The following FGF13 variants were observed in gnomAD, a reference collection of about 807,000 sequenced individuals.
FGF13 encodes the protein fibroblast growth factor 13.
FGF13 carries 2 observed loss-of-function variants against 19.5 expected under a neutral mutation model. The observed-to-expected ratio is 0.10, with a 90% CI of 0.04 to 0.32. The LOEUF (loss-of-function observed/expected upper bound fraction) is 0.32, where lower values mean the gene tolerates loss of function less well. Among genes scored for constraint, FGF13 ranks in the 10% least tolerant of loss-of-function variants. The probability of loss-of-function intolerance (pLI) is 1.00; values close to 1 mark genes in which losing one functional copy is unlikely to be tolerated. For synonymous variants in FGF13, 72 were observed against 76.9 expected (o/e 0.94, Z 0.33); for missense variants, 113 against 192.7 (o/e 0.59, Z 2.45).
chrX:138,981,360 C>T (rs1202016551), intron 1 of FGF13, among the ~76,000 whole-genome samples: 1 of 105,280 alleles, frequency 9.5e-6, no homozygotes, highest in South Asian at 4.3e-4. Flanking sequence ...CACACACATG[C>T]GAACACAAGG....
At chrX:138,647,536 T>G (rs2089321254) in intron 3 of FGF13, among the ~76,000 whole-genome samples, 1 of 111,122 alleles carries the variant, frequency 9.0e-6, no homozygotes, top group African/African-American at 3.3e-5. Flanking sequence ...TTTACGGGAG[T>G]GTTTGGCCAC....
intron 1 of FGF13, among the ~76,000 whole-genome samples, chrX:138,877,928 T>C (rs2091400208): frequency 1.8e-5 from 2 of 111,778 alleles, no homozygotes; most frequent in Non-Finnish European, 3.8e-5. Context: ...TTTTAAATTA[T>C]TTTGTGTATA....
intron 3 of FGF13, among the ~76,000 whole-genome samples, chrX:138,843,154 C>T (rs993310817): frequency 2.7e-5 from 3 of 112,016 alleles, no homozygotes; most frequent in African/African-American, 9.7e-5. Context: ...GTGTCCACTC[C>T]CTGCTCCTCC....
rs1006341580 is a variant in FGF13 at position 139,077,561 on chromosome X, T to C, written c.-113+125855A>G. ...CATAAATATCCAGTAGCTACACACA[T>C]ACATATATACTTTTATGAGGTGGCA... On this transcript the variant is annotated intron_variant, in intron 1 of 2. Transcript: ENST00000421460. Among the ~76,000 whole-genome samples, 6 of 111,405 alleles carry C rather than the reference T, an allele frequency of 5.4e-5. No individual in the cohort carries two copies. The East Asian group carries it at 1.4e-3, about 26-fold the overall frequency.
chrX:138,668,795 T>C (rs2089581261), intron 3 of FGF13, among the ~76,000 whole-genome samples: 1 of 110,447 alleles, frequency 9.1e-6, no homozygotes, highest in African/African-American at 3.3e-5. Flanking sequence ...AGCAGTGTTG[T>C]GAAAGCCCAC....
intron 1 of FGF13, among the ~76,000 whole-genome samples, chrX:139,032,502 T>C (rs751754759): frequency 9.0e-6 from 1 of 111,725 alleles, no homozygotes; most frequent in South Asian, 3.7e-4. Flanking sequence ...TAAGTAGTCA[T>C]ACAATGTGTT....
rs751959704 is a variant in FGF13, at chrX:138,783,677, G to A, written c.217+73835C>T. Among the ~76,000 whole-genome samples the A allele has an allele frequency of 9.8e-3, 1,003 of 102,136 alleles. 14 individuals are homozygous for A. The highest frequency in any genetic ancestry group is 0.032 in the African/African-American group (940 of 29,137). 88.7% of individuals were successfully genotyped at this position (102,136 alleles called of 115,157 possible). ...AAGTCAGGAAACAACAGGTGCTGGA[G>A]AGGATGTGGAGAAATAGGAACACTT... On this transcript the variant is annotated intron_variant, in intron 3 of 6. Transcript: ENST00000436198.
At chrX:138,861,896 G>A (rs1373315205) in intron 2 of FGF13, among the ~76,000 whole-genome samples, 3 of 111,411 alleles carry the variant, frequency 2.7e-5, no homozygotes, top group Non-Finnish European at 5.6e-5. Context: ...CCAGCTACTC[G>A]GGAGGCTGAG....
intron 1 of FGF13, among the ~76,000 whole-genome samples, chrX:138,901,782 G>A (rs1446636638): frequency 8.9e-6 from 1 of 111,739 alleles, no homozygotes; most frequent in African/African-American, 3.3e-5. Context: ...AACTGAGAGA[G>A]TTCATTGCTT....
At chrX:138,696,257 C>T (rs1341504756) in intron 3 of FGF13, among the ~76,000 whole-genome samples, 2 of 112,134 alleles carry the variant, frequency 1.8e-5, no homozygotes, top group African/African-American at 6.5e-5. Context: ...ATATTGTATT[C>T]CTTTTGTATG....
chrX:138,969,098 G>A (rs760923844), intron 1 of FGF13, among the ~76,000 whole-genome samples: 6 of 111,785 alleles, frequency 5.4e-5, no homozygotes, highest in African/African-American at 1.6e-4. Flanking sequence ...TGTATGTCAC[G>A]CACAGGAGTT....
At chrX:138,978,706 A>C (rs2091951191) in intron 1 of FGF13, among the ~76,000 whole-genome samples, 1 of 111,995 alleles carries the variant, frequency 8.9e-6, no homozygotes, top group Non-Finnish European at 1.9e-5. Flanking sequence ...ATCACAACTC[A>C]TTTTACAGAG....
At chrX:138,647,678 T>C (rs960852182) in intron 3 of FGF13, among the ~76,000 whole-genome samples, 3 of 112,263 alleles carry the variant, frequency 2.7e-5, no homozygotes, top group Non-Finnish European at 5.6e-5. Context: ...AATTTTGAAA[T>C]TGGCAAATTA....
intron 3 of FGF13, among the ~76,000 whole-genome samples, chrX:138,836,478 G>T (rs2091113107): frequency 9.0e-6 from 1 of 111,504 alleles, no homozygotes; most frequent in African/African-American, 3.3e-5. Context: ...TGGTCTATTT[G>T]GCAATCAATA....
intron 1 of FGF13, among the ~76,000 whole-genome samples, chrX:138,975,471 T>A (rs764616250): frequency 6.6e-4 from 73 of 111,374 alleles, no homozygotes; most frequent in African/African-American, 2.3e-3. Context: ...ATTTGGAACA[T>A]GTATACATAT....
At chrX:138,862,447 T>C (rs1366282134) in intron 2 of FGF13, among the ~76,000 whole-genome samples, 2 of 111,366 alleles carry the variant, frequency 1.8e-5, no homozygotes, top group African/African-American at 6.5e-5. Flanking sequence ...ACTCCAACAA[T>C]AAAATACTTA....
chrX:138,931,493 C>T lies in FGF13; in HGVS notation c.-112-66843G>A, dbSNP rs140384731. On this transcript the variant is annotated intron_variant, in intron 1 of 2. Transcript: ENST00000421460. The stretch of plus-strand genomic sequence containing the variant: ...AGAATCCTTTTGTCAAGAATCAAAA[C>T]GATGAACTAACACCTCCAAGCTGAA... Among the ~76,000 whole-genome samples, 654 of 111,875 alleles carry T rather than the reference C, an allele frequency of 5.8e-3. 4 individuals carry two copies. The highest frequency in any genetic ancestry group is 0.018 in the African/African-American group (541 of 30,770).
At chrX:138,655,119 G>C (rs1326365484) in intron 3 of FGF13, among the ~76,000 whole-genome samples, 1 of 111,551 alleles carries the variant, frequency 9.0e-6, no homozygotes, top group Non-Finnish European at 1.9e-5. Flanking sequence ...GTAGTTCCTA[G>C]GTTTTTCTTG....
intron 3 of FGF13, among the ~76,000 whole-genome samples, chrX:138,652,220 T>G (rs967412654): frequency 4.7e-4 from 52 of 111,641 alleles, no homozygotes; most frequent in Middle Eastern, 4.7e-3. Context: ...CCTCCAGATA[T>G]CCGCCTGAAC....
Sources: allele counts gnomAD v4.1 joint callset (sites outside exome capture counted in the v4.1 genomes callset), GRCh38; gene constraint gnomAD v4.1.1; transcripts MANE v1.5; gene names NCBI Gene and HGNC (gene_info 2026-07-23, HGNC 2026-07-21).